ITGA6: variants seen among roughly 807,000 people sequenced by gnomAD.
ITGA6 encodes integrin alpha-6.
A neutral mutation model predicts 133.6 loss-of-function variants in ITGA6; 63 were observed. The observed-to-expected ratio is 0.47, with a 90% CI of 0.38 to 0.58. The LOEUF is 0.58. Ranked by LOEUF, ITGA6 falls within the 20% of genes least tolerant of loss-of-function variation. The pLI, the probability that ITGA6 is intolerant of heterozygous loss-of-function variation, is 0.00. For synonymous variants in ITGA6, 434 were observed against 482.0 expected, an observed-to-expected ratio of 0.90 and a Z score of 1.30; for missense variants, 1,068 against 1,309.4, an observed-to-expected ratio of 0.82 and a Z score of 2.85.
intron 11 of ITGA6, among the ~76,000 whole-genome samples, chr2:172,481,578 C>G (rs753185603): frequency 6.6e-6 from 1 of 152,086 alleles, no homozygotes; most frequent in Non-Finnish European, 1.5e-5. Flanking sequence ...GTGTCATAAG[C>G]TCAGTTAGCC....
At chr2:172,489,764 G>T in intron 20 of ITGA6, 106 bp downstream of exon 20, 1 of 1,050,916 alleles carries the variant, frequency 9.5e-7, no homozygotes, top group Middle Eastern at 2.4e-4. Context: ...ATTCTGGCAG[G>T]TTGACTTTCT....
In ITGA6 at chr2:172,475,006, T is replaced by A. The variant is rs1377277731; in HGVS notation, c.1064T>A (p.Met355Lys). Residue 355 changes from methionine (M) to lysine (K), a missense_variant, in exon 7 of 26, where the codon ATG (methionine) becomes AAG (lysine). By Grantham distance (95) the Met-to-Lys change is moderately conservative. Coordinates refer to ENST00000684293, the MANE Select transcript of ITGA6 (RefSeq NM_000210.4). ...GEVGGAVYVYMNQQGRWNNVK... is the reference protein window; with the variant it reads ...GEVGGAVYVYKNQQGRWNNVK... Reference sequence around the variant, plus strand: ...GTTGGAGGTGCAGTGTATGTCTACATGAACCAGCAAGGCAGATGGAATAAT... The same window carrying A: ...GTTGGAGGTGCAGTGTATGTCTACAAGAACCAGCAAGGCAGATGGAATAAT... 1 of 1,592,804 alleles carries A rather than the reference T, an allele frequency of 6.3e-7. No homozygotes were observed. The highest frequency in any genetic ancestry group is 1.1e-5 in the South Asian group (1 of 90,676).
chr2:172,505,141 G>T lies in ITGA6; in HGVS notation c.*1073G>T, dbSNP rs1687505217. 1 of 152,588 alleles carries T rather than the reference G, an allele frequency of 6.6e-6. No homozygotes were observed. The highest frequency in any genetic ancestry group is 1.5e-5 in the Non-Finnish European group (1 of 68,036). The allele number at this position is 152,588 out of a possible 1,614,324, so 9.5% of individuals were successfully genotyped here. ...CAGCCTCCACCCCACAACCCAAAAGGTTTAAGAAATAGAATTATAACTGTA... is the reference window on the plus strand; with the variant it reads ...CAGCCTCCACCCCACAACCCAAAAGTTTTAAGAAATAGAATTATAACTGTA... On this transcript the variant is annotated 3_prime_UTR_variant, in exon 26 of 26. Coordinates refer to ENST00000684293, the MANE Select transcript of ITGA6 (RefSeq NM_000210.4).
At chr2:172,482,463 G>A (rs540295116) in intron 11 of ITGA6, among the ~76,000 whole-genome samples, 15 of 152,258 alleles carry the variant, frequency 9.9e-5, no homozygotes, top group South Asian at 8.3e-4. Context: ...TAATTGAGCC[G>A]TAATGAGTGT....
chr2:172,463,104 C>T (rs952972059), intron 1 of ITGA6, among the ~76,000 whole-genome samples: 2 of 152,210 alleles, frequency 1.3e-5, no homozygotes, highest in Non-Finnish European at 2.9e-5. Flanking sequence ...ACGGATCAGG[C>T]TTCCCCAGGC....
At chr2:172,455,224 G>A (rs559357624) in intron 1 of ITGA6, among the ~76,000 whole-genome samples, 1 of 152,322 alleles carries the variant, frequency 6.6e-6, no homozygotes, top group South Asian at 2.1e-4. Context: ...ACGTCTCATT[G>A]CATAGGTGGG....
intron 1 of ITGA6, among the ~76,000 whole-genome samples, chr2:172,440,006 G>A (rs1357694638): frequency 6.6e-6 from 1 of 152,132 alleles, no homozygotes; most frequent in Non-Finnish European, 1.5e-5. Context: ...GCTTACTAGG[G>A]CACTCCAAAT....
intron 25 of ITGA6, chr2:172,503,422 G>T (rs1687430481): frequency 6.6e-6 from 1 of 152,168 alleles, no homozygotes; most frequent in African/African-American, 2.4e-5. Flanking sequence ...ATTCAGTGTA[G>T]TGATGCACTT....
In ITGA6 at chr2:172,467,527, C is replaced by T. The variant is rs1477144067; in HGVS notation, c.354C>T (p.Thr118=). ...AGGAAGATCAGTGGATGGGGGTCAC[C>T]GTCCAGAGCCAAGGTCCAGGGGGCA... ...ESKEDQWMGV[T]VQSQGPGGKV... The change falls in exon 3 of 26, where the codon ACC becomes ACT. Residue 118 remains threonine (T), a synonymous_variant. Coordinates refer to ENST00000684293, the MANE Select transcript of ITGA6 (RefSeq NM_000210.4). 8.7e-6 allele frequency: 14 copies of T among 1,613,650 alleles called. No homozygotes were observed. Among genetic ancestry groups the T allele is most frequent in the African/African-American group, 2.7e-5 (2 of 74,902 alleles).
chr2:172,467,603 T>A, intron 3 of ITGA6, 43 bp downstream of exon 3: 1 of 1,464,860 alleles, frequency 6.8e-7, no homozygotes. Context: ...GTTGGACTGC[T>A]GGTTATGTGC....
In ITGA6 at chr2:172,498,477, A is replaced by G. The variant is rs112484013; in HGVS notation, c.3114+377A>G. 3.0e-4 allele frequency among the ~76,000 whole-genome samples: 45 copies of G among 152,320 alleles called. 1 individual carries two copies. The highest frequency in any genetic ancestry group is 9.6e-4 in the African/African-American group (40 of 41,580). ...CTGAATGTGTATCCCTGCTAATTTC[A>G]GTTTCTGTGAAGAATGTTCATAGCA... On this transcript the variant is annotated intron_variant, in intron 24 of 25. Transcript: ENST00000684293.
At chr2:172,429,846 C>T (rs1684037194) in intron 1 of ITGA6, among the ~76,000 whole-genome samples, 1 of 152,154 alleles carries the variant, frequency 6.6e-6, no homozygotes, top group South Asian at 2.1e-4. Flanking sequence ...CACGTGCTGC[C>T]CACCTCCATG....
intron 1 of ITGA6, among the ~76,000 whole-genome samples, chr2:172,455,652 G>A (rs6726739): frequency 0.19 from 28,715 of 152,178 alleles, 3,411 homozygotes; most frequent in African/African-American, 0.33. Flanking sequence ...TTATTCTGAA[G>A]TGATTCTTTG....
chr2:172,453,024 C>T (rs957355617), intron 1 of ITGA6, among the ~76,000 whole-genome samples: 3 of 152,102 alleles, frequency 2.0e-5, no homozygotes, highest in Admixed American at 6.5e-5. Flanking sequence ...AGGTGGGCCC[C>T]GTCACAGCAT....
chr2:172,450,991 A>G (rs905444804), intron 1 of ITGA6, among the ~76,000 whole-genome samples: 1 of 148,312 alleles, frequency 6.7e-6, no homozygotes, highest in African/African-American at 2.5e-5. Flanking sequence ...GTGTATATAT[A>G]TACACACACA....
chr2:172,467,411 G>A (rs763012100), intron 2 of ITGA6, 70 bp from the exon 3 acceptor site: 2 of 1,181,214 alleles, frequency 1.7e-6, no homozygotes, highest in Non-Finnish European at 2.5e-6. Context: ...ACAGTTGCTT[G>A]TATTTTTGTT....
At chr2:172,492,434 T>A (rs1240897002) in intron 23 of ITGA6, among the ~76,000 whole-genome samples, 1 of 152,244 alleles carries the variant, frequency 6.6e-6, no homozygotes, top group African/African-American at 2.4e-5. Flanking sequence ...ACATTTTATG[T>A]GATTTGCTTT....
intron 1 of ITGA6, among the ~76,000 whole-genome samples, chr2:172,429,394 A>G (rs1684018130): frequency 6.6e-6 from 1 of 152,200 alleles, no homozygotes; most frequent in East Asian, 1.9e-4. Flanking sequence ...CTTGGTGTGT[A>G]GAATTTGAGC....
chr2:172,427,466 G>C (rs919967849), upstream of ITGA6: 5 of 1,069,166 alleles, frequency 4.7e-6, no homozygotes, highest in Non-Finnish European at 5.6e-6. Flanking sequence ...CGCCAGAGCC[G>C]GCGGGTAAGG....
Sources: gnomAD v4.1 joint callset for allele counts (sites outside exome capture counted in the v4.1 genomes callset) on GRCh38, gnomAD v4.1.1 for gene constraint, MANE v1.5 for transcripts, NCBI Gene and HGNC (gene_info 2026-07-23, HGNC 2026-07-21) for gene names.